SPACA1: variants seen among roughly 807,000 people sequenced by gnomAD.
SPACA1 encodes the protein sperm acrosome associated 1.
Under a neutral mutation model 32.6 loss-of-function variants are expected in SPACA1, and 17 were observed. That is an observed-to-expected ratio of 0.52 (90% CI 0.36 to 0.78). The LOEUF is 0.78. SPACA1 is among the 30% of genes least tolerant of loss of function. The pLI, the probability that SPACA1 is intolerant of heterozygous loss-of-function variation, is 0.01. For synonymous variants in SPACA1, 140 were observed against 138.1 expected (o/e 1.01, Z -0.10); for missense variants, 363 against 373.4 (o/e 0.97, Z 0.23).
chr6:88,065,899 C>T (rs1281157663), intron 6 of SPACA1, among the ~76,000 whole-genome samples: 2 of 151,380 alleles, frequency 1.3e-5, no homozygotes, highest in Admixed American at 1.3e-4. Flanking sequence ...GTATACAGTT[C>T]AGTAGTCATA....
intron 2 of SPACA1, among the ~76,000 whole-genome samples, chr6:88,054,314 G>A (rs1775775371): frequency 6.7e-6 from 1 of 150,354 alleles, no homozygotes; most frequent in Non-Finnish European, 1.5e-5. Context: ...ATTTTCCAAT[G>A]CATCTCACAG....
In SPACA1 at chr6:88,047,970, C is replaced by T. The variant is rs912384960; in HGVS notation, c.65C>T (p.Ala22Val). The change falls in exon 1 of 7, where the codon GCG becomes GTG. Residue 22 changes from alanine (A) to valine (V), a missense_variant. Physicochemically the swap from Ala to Val is moderately conservative, Grantham distance 64. Transcript: ENST00000237201. ...LLMTVGWLLL[A>V]GLQSARGTNV... ...ATGACTGTCGGCTGGCTGCTTCTGGCGGGCCTCCAGTCCGCGCGCGGGACC... is the reference window on the plus strand; with the variant it reads ...ATGACTGTCGGCTGGCTGCTTCTGGTGGGCCTCCAGTCCGCGCGCGGGACC... 9 of 1,565,686 alleles carry T rather than the reference C, an allele frequency of 5.7e-6. No homozygotes were observed. Among genetic ancestry groups the T allele is most frequent in the East Asian group, 2.4e-5 (1 of 42,390 alleles).
intron 1 of SPACA1, among the ~76,000 whole-genome samples, chr6:88,053,159 T>C (rs949875253): frequency 2.6e-5 from 4 of 152,266 alleles, no homozygotes; most frequent in African/African-American, 9.6e-5. Flanking sequence ...TAATTAGTGA[T>C]AGAAGCAGCT....
chr6:88,059,630 T>G, intron 5 of SPACA1, 42 bp downstream of exon 5: 1 of 1,554,270 alleles, frequency 6.4e-7, no homozygotes, highest in Non-Finnish European at 8.7e-7. Context: ...TATGCCAATC[T>G]TTAAAGAGCA....
At chr6:88,047,828 C>A, upstream of SPACA1, 2 of 1,369,898 alleles carry the variant, frequency 1.5e-6, no homozygotes, top group South Asian at 1.5e-5. Flanking sequence ...GGCGGGGTGT[C>A]GCAGCTCTCT....
chr6:88,053,855 A>G (rs576696300), intron 1 of SPACA1, 91 bp from the exon 2 acceptor site: 10 of 1,060,988 alleles, frequency 9.4e-6, no homozygotes, highest in Admixed American at 2.0e-5. Context: ...TGCCCATATC[A>G]TACACATGTC....
chr6:88,051,080 G>A lies in SPACA1; in HGVS notation c.209-2866G>A, dbSNP rs1324005331. On this transcript the variant is annotated intron_variant, in intron 1 of 6. Coordinates refer to ENST00000237201, the MANE Select transcript of SPACA1 (RefSeq NM_030960.3). ...GAGAATGGCGTGAACCCAGGAGGTG[G>A]AGCTTGCAGTGAGCCGAGATTACGC... Among the ~76,000 whole-genome samples the A allele has an allele frequency of 2.6e-5, 4 of 152,016 alleles. No homozygotes were observed. In the East Asian group the frequency reaches 7.8e-4, roughly 29 times the overall value.
At chr6:88,055,757 T>C (rs1582270479) in intron 2 of SPACA1, among the ~76,000 whole-genome samples, 1 of 151,744 alleles carries the variant, frequency 6.6e-6, no homozygotes, top group African/African-American at 2.4e-5. Context: ...GATCACGAGG[T>C]CCAGATATCG....
At chr6:88,055,667 A>G (rs893529777) in intron 2 of SPACA1, among the ~76,000 whole-genome samples, 15 of 152,242 alleles carry the variant, frequency 9.9e-5, no homozygotes, top group Non-Finnish European at 1.5e-4. Context: ...TAAATAAATA[A>G]ATACATAAAA....
intron 3 of SPACA1, among the ~76,000 whole-genome samples, chr6:88,058,076 A>C (rs1029952511): frequency 2.6e-5 from 4 of 152,218 alleles, no homozygotes; most frequent in Admixed American, 2.0e-4. Flanking sequence ...CAGCTGTTCC[A>C]TATCACATTA....
At chr6:88,061,817 A>C (rs928690162) in intron 5 of SPACA1, among the ~76,000 whole-genome samples, 6 of 152,208 alleles carry the variant, frequency 3.9e-5, no homozygotes, top group Non-Finnish European at 8.8e-5. Flanking sequence ...GAGAGCATCA[A>C]ATTTAGCCTA....
At chr6:88,047,768 AC>A (rs1775660779), upstream of SPACA1, 1 of 849,394 alleles carries the variant, frequency 1.2e-6, no homozygotes, top group African/African-American at 1.7e-5. Flanking sequence ...CGCCCCGGCA[AC>A]CATTGAGGCG....
upstream of SPACA1, among the ~76,000 whole-genome samples, chr6:88,047,590 C>T (rs556608116): frequency 3.9e-5 from 6 of 152,356 alleles, no homozygotes; most frequent in African/African-American, 1.4e-4. Flanking sequence ...GCAACGCCTA[C>T]CGCACCCGGA....
At chr6:88,051,381 ACAG>A in intron 1 of SPACA1, among the ~76,000 whole-genome samples, 1 of 152,336 alleles carries the variant, frequency 6.6e-6, no homozygotes, top group South Asian at 2.1e-4. Flanking sequence ...CTAAGGAAGA[ACAG>A]AAGTCATAAA....
chr6:88,065,327 T>C (rs980621272), intron 6 of SPACA1, among the ~76,000 whole-genome samples: 1 of 148,224 alleles, frequency 6.7e-6, no homozygotes, highest in African/African-American at 2.5e-5. Flanking sequence ...TATATTTACA[T>C]GGATGTATAT....
rs111835123 is a variant in SPACA1 at position 88,063,383 on chromosome 6, G to A, written c.611-716G>A. On this transcript the variant is annotated intron_variant, in intron 5 of 6. Coordinates refer to ENST00000237201, the MANE Select transcript of SPACA1 (RefSeq NM_030960.3). ...TAGTAATAATAAAAAAATGATAGTT[G>A]CATATAACAGTATGGGTGAATTTCT... Among the ~76,000 whole-genome samples the A allele has an allele frequency of 2.9e-3, 440 of 152,226 alleles. 1 individual carries two copies. The highest frequency in any genetic ancestry group is 6.5e-3 in the African/African-American group (270 of 41,536).
chr6:88,059,668 C>T (rs1582273538), intron 5 of SPACA1, 80 bp downstream of exon 5: 8 of 1,379,888 alleles, frequency 5.8e-6, no homozygotes, highest in Admixed American at 2.3e-5. Context: ...CTTGTTAAAA[C>T]ACCAGTCTCT....
chr6:88,059,496 G>T lies in SPACA1; in HGVS notation c.518G>T (p.Arg173Leu), dbSNP rs201534695. 2 of 1,612,752 alleles carry T rather than the reference G, an allele frequency of 1.2e-6. No homozygotes were observed. The highest frequency in any genetic ancestry group is 4.5e-5 in the East Asian group (2 of 44,808). The change falls in exon 5 of 7, where the codon CGC becomes CTC. Residue 173 changes from arginine (R) to leucine (L), a missense_variant. Coordinates refer to ENST00000237201, the MANE Select transcript of SPACA1 (RefSeq NM_030960.3). ...LVNDSAILEVRKESHPLAFEC... is the reference protein window; with the variant it reads ...LVNDSAILEVLKESHPLAFEC... ...AATGATTCAGCAATCCTAGAAGTACGCAAGGAAAGTCACCCCTTGGCTTTC... is the reference window on the plus strand; with the variant it reads ...AATGATTCAGCAATCCTAGAAGTACTCAAGGAAAGTCACCCCTTGGCTTTC...
At chr6:88,052,930 G>T (rs1186231084) in intron 1 of SPACA1, among the ~76,000 whole-genome samples, 2 of 151,830 alleles carry the variant, frequency 1.3e-5, no homozygotes, top group African/African-American at 4.8e-5. Context: ...ATCAAAATAG[G>T]GGAAAAAAAC....
Sources: allele counts gnomAD v4.1 joint callset (sites outside exome capture counted in the v4.1 genomes callset), GRCh38; gene constraint gnomAD v4.1.1; transcripts MANE v1.5; gene names NCBI Gene and HGNC (gene_info 2026-07-23, HGNC 2026-07-21).